Variants in TSPAN2 observed in about 807,000 individuals in gnomAD.
TSPAN2 encodes the protein tetraspanin 2.
TSPAN2 carries 24 observed loss-of-function variants against 33.3 expected under a neutral mutation model. The ratio of observed to expected loss-of-function variants is 0.72; its 90% CI spans 0.52 to 1.01. The LOEUF is 1.01. TSPAN2 is among the 50% of genes least tolerant of loss of function. The pLI, the probability that TSPAN2 is intolerant of heterozygous loss-of-function variation, is 0.00. For missense variants in TSPAN2, 278 were observed against 281.3 expected, an observed-to-expected ratio of 0.99 and a Z score of 0.08; for synonymous variants, 114 against 104.5, an observed-to-expected ratio of 1.09 and a Z score of -0.56.
chr1:115,082,069 C>T (rs931119449), intron 1 of TSPAN2, among the ~76,000 whole-genome samples: 2 of 152,170 alleles, frequency 1.3e-5, no homozygotes, highest in Non-Finnish European at 2.9e-5. Context: ...GTCAAGAAGA[C>T]CTTTCTCCAA....
At chr1:115,052,849 C>T (rs1214397707) in intron 7 of TSPAN2, among the ~76,000 whole-genome samples, 2 of 152,114 alleles carry the variant, frequency 1.3e-5, no homozygotes, top group African/African-American at 4.8e-5. Flanking sequence ...TTAATTTTCA[C>T]GGCAATCCTA....
rs547245126 is a variant in TSPAN2, at chr1:115,056,920, G to A, written c.516+617C>T. Among the ~76,000 whole-genome samples, 10 of 152,060 alleles carry A rather than the reference G, an allele frequency of 6.6e-5. No individual in the cohort carries two copies. The South Asian group carries it at 1.2e-3, about 19-fold the overall frequency. ...GCTGTCTCCTCACTTGTGTCTGGCC[G>A]CCCCTCCCAGTTTCCTTCTTTGGCA... On this transcript the variant is annotated intron_variant, in intron 6 of 7. Transcript: ENST00000369516.
chr1:115,075,506 C>A (rs867991602), intron 1 of TSPAN2, among the ~76,000 whole-genome samples: 1 of 152,100 alleles, frequency 6.6e-6, no homozygotes, highest in Non-Finnish European at 1.5e-5. Flanking sequence ...CTTTTTAACT[C>A]GCCATTCCTT....
chr1:115,062,214 C>G lies in TSPAN2; in HGVS notation c.191G>C (p.Gly64Ala). 1 of 1,592,894 alleles carries G rather than the reference C, an allele frequency of 6.3e-7. No individual in the cohort carries two copies. The highest frequency in any genetic ancestry group is 8.6e-7 in the Non-Finnish European group (1 of 1,169,490). Reference sequence around the variant, plus strand: ...CACGGCCATCATCAGGGCCCCGGCTCCAACCAGAACATACAGCCCTGTGGG... The same window carrying G: ...CACGGCCATCATCAGGGCCCCGGCTGCAACCAGAACATACAGCCCTGTGGG... ...YFYVGLYVLV[G>A]AGALMMAVGF... The change falls in exon 3 of 8, where the codon GGA becomes GCA. Residue 64 changes from glycine to alanine, a missense_variant. Physicochemically the swap from Gly to Ala is moderately conservative, Grantham distance 60. Coordinates refer to ENST00000369516, the MANE Select transcript of TSPAN2 (RefSeq NM_005725.6).
chr1:115,058,855 A>G (rs1447401386), intron 5 of TSPAN2, 28 bp downstream of exon 5: 1 of 1,531,552 alleles, frequency 6.5e-7, no homozygotes, highest in Non-Finnish European at 9.0e-7. Context: ...AGAAGCTGTG[A>G]TTTTAAGGAA....
chr1:115,078,158 A>G (rs1648490845), intron 1 of TSPAN2, among the ~76,000 whole-genome samples: 1 of 152,106 alleles, frequency 6.6e-6, no homozygotes, highest in Non-Finnish European at 1.5e-5. Context: ...CCTAGCTGAC[A>G]CCCATTCACA....
intron 1 of TSPAN2, among the ~76,000 whole-genome samples, chr1:115,073,372 G>C (rs1648264413): frequency 6.6e-6 from 1 of 152,158 alleles, no homozygotes; most frequent in Admixed American, 6.5e-5. Context: ...GTCCCTTGCT[G>C]GGCATGTTGG....
chr1:115,051,235 G>A (rs547230151), intron 7 of TSPAN2, among the ~76,000 whole-genome samples: 7 of 152,198 alleles, frequency 4.6e-5, no homozygotes, highest in Admixed American at 1.3e-4. Context: ...ATTGAGCCCA[G>A]GAGGTCGAGG....
At chr1:115,067,918 C>T (rs1648013463) in intron 2 of TSPAN2, among the ~76,000 whole-genome samples, 1 of 152,186 alleles carries the variant, frequency 6.6e-6, no homozygotes, top group South Asian at 2.1e-4. Context: ...CAGAGAGGGA[C>T]TGTAACAGGA....
chr1:115,073,117 CT>C, intron 1 of TSPAN2, 110 bp from the exon 2 acceptor site: 1 of 844,380 alleles, frequency 1.2e-6, no homozygotes, highest in African/African-American at 1.7e-5. Context: ...TTGGAAATCA[CT>C]TAGACCACCT....
intron 7 of TSPAN2, 44 bp downstream of exon 7, chr1:115,053,335 G>A (rs776472272): frequency 4.3e-5 from 66 of 1,549,834 alleles, no homozygotes; most frequent in Non-Finnish European, 5.7e-5. Context: ...AAAGTTTCAA[G>A]GCTTTTTAGA....
At chr1:115,082,019 T>C (rs936054511) in intron 1 of TSPAN2, among the ~76,000 whole-genome samples, 3 of 152,210 alleles carry the variant, frequency 2.0e-5, no homozygotes, top group Non-Finnish European at 2.9e-5. Context: ...TGAATAGATA[T>C]ATTTATGAGT....
In TSPAN2 at chr1:115,049,499, T is replaced by C. The variant is rs1675251765; in HGVS notation, c.*991A>G. ...AAATACAAAAAGTTAGGAAAACATG[T>C]AAACGTAAGTTATGAGGTATTTCAT... On this transcript the variant is annotated 3_prime_UTR_variant, in exon 8 of 8. Coordinates refer to ENST00000369516, the MANE Select transcript of TSPAN2 (RefSeq NM_005725.6). 1 of 152,580 alleles carries C rather than the reference T, an allele frequency of 6.6e-6. No individual in the cohort carries two copies. The highest frequency in any genetic ancestry group is 6.5e-5 in the Admixed American group (1 of 15,276). 9.5% of individuals were successfully genotyped at this position (152,580 alleles called of 1,614,324 possible).
At chr1:115,060,302 C>T (rs17033097) in intron 4 of TSPAN2, among the ~76,000 whole-genome samples, 162 bp downstream of exon 4, 4,789 of 152,168 alleles carry the variant, frequency 0.031, 239 homozygotes, top group African/African-American at 0.11. Flanking sequence ...TGCCTGCACA[C>T]TCATATACAT....
intron 6 of TSPAN2, 75 bp downstream of exon 6, chr1:115,057,462 G>C: frequency 7.1e-7 from 1 of 1,417,174 alleles, no homozygotes; most frequent in Non-Finnish European, 1.0e-6. Context: ...TCCCATCCGA[G>C]ATTCTACCTT....
chr1:115,055,759 C>T (rs1422715976), intron 6 of TSPAN2, among the ~76,000 whole-genome samples: 1 of 152,050 alleles, frequency 6.6e-6, no homozygotes, highest in African/African-American at 2.4e-5. Context: ...TGAGCTCAGG[C>T]AATCTGCCTG....
rs1250031233 is a variant in TSPAN2, at chr1:115,073,023, C to T, written c.70-16G>A. The T allele has an allele frequency of 6.2e-7, 1 of 1,609,186 alleles. No individual in the cohort carries two copies. Among genetic ancestry groups the T allele is most frequent in the East Asian group, 2.2e-5 (1 of 44,864 alleles). Reference sequence around the variant, plus strand: ...ATCCAGCCAGCTGGAAGGCAAACGACACTGTGTTTACAGTGGAAGGGGAAA... The same window carrying T: ...ATCCAGCCAGCTGGAAGGCAAACGATACTGTGTTTACAGTGGAAGGGGAAA... On this transcript the variant is annotated splice_polypyrimidine_tract_variant and intron_variant, in intron 1 of 7. Coordinates refer to ENST00000369516, the MANE Select transcript of TSPAN2 (RefSeq NM_005725.6).
intron 2 of TSPAN2, among the ~76,000 whole-genome samples, chr1:115,066,400 A>G (rs915821499): frequency 1.3e-5 from 2 of 152,178 alleles, no homozygotes; most frequent in Non-Finnish European, 2.9e-5. Flanking sequence ...CCTTGCCAGC[A>G]TTTGCTATTC....
At chr1:115,054,570 C>T (rs1647321320) in intron 6 of TSPAN2, among the ~76,000 whole-genome samples, 1 of 152,196 alleles carries the variant, frequency 6.6e-6, no homozygotes. Flanking sequence ...TTCACTCTTC[C>T]TCTCCTTCTC....
Sources: allele counts gnomAD v4.1 joint callset (sites outside exome capture counted in the v4.1 genomes callset), GRCh38; gene constraint gnomAD v4.1.1; transcripts MANE v1.5; gene names NCBI Gene and HGNC (gene_info 2026-07-23, HGNC 2026-07-21).